The following PRKDC variants were observed in gnomAD, a reference collection of about 807,000 sequenced individuals.
PRKDC encodes the protein DNA-dependent protein kinase catalytic subunit.
PRKDC carries 82 observed loss-of-function variants against 486.9 expected under a neutral mutation model. The ratio of observed to expected loss-of-function variants is 0.17; its 90% CI spans 0.14 to 0.20. The LOEUF (loss-of-function observed/expected upper bound fraction) is 0.20. PRKDC is among the 10% of genes least tolerant of loss of function. The pLI is 1.00. For synonymous variants in PRKDC, 1,895 were observed against 1,837.0 expected (o/e 1.03, Z -0.81); for missense variants, 4,504 against 5,038.2 (o/e 0.89, Z 3.21).
chr8:47,821,978 G>T (rs938569301), intron 64 of PRKDC, among the ~76,000 whole-genome samples, 186 bp from the exon 65 acceptor site: 1 of 152,262 alleles, frequency 6.6e-6, no homozygotes, highest in East Asian at 1.9e-4. Flanking sequence ...GAATCCTACA[G>T]TACTAAATGA....
At chr8:47,946,849 C>T (rs2090540511) in intron 7 of PRKDC, among the ~76,000 whole-genome samples, 3 of 152,176 alleles carry the variant, frequency 2.0e-5, no homozygotes, top group Admixed American at 2.0e-4. Flanking sequence ...TTAGGAGTCA[C>T]TGCACAGCCC....
At chr8:47,896,673 C>T (rs1452394764) in intron 30 of PRKDC, among the ~76,000 whole-genome samples, 2 of 151,956 alleles carry the variant, frequency 1.3e-5, no homozygotes, top group Non-Finnish European at 2.9e-5. Context: ...AAACTCCACC[C>T]CAACTTTTGC....
intron 76 of PRKDC, among the ~76,000 whole-genome samples, chr8:47,786,126 T>C (rs1563733366): frequency 6.7e-6 from 1 of 149,684 alleles, no homozygotes; most frequent in African/African-American, 2.5e-5. Context: ...ATAAATGACA[T>C]GGTTGACCAG....
chr8:47,796,578 G>A (rs1368812020), intron 73 of PRKDC, among the ~76,000 whole-genome samples: 3 of 150,870 alleles, frequency 2.0e-5, no homozygotes, highest in Non-Finnish European at 2.9e-5. Context: ...TGTTGCAAAC[G>A]TTTTTCTTCA....
At chr8:47,780,192 G>A (rs1051943161) in intron 80 of PRKDC, among the ~76,000 whole-genome samples, 2 of 152,190 alleles carry the variant, frequency 1.3e-5, no homozygotes, top group Admixed American at 6.5e-5. Flanking sequence ...TGGGATTACA[G>A]GCGTGAGCTA....
At chr8:47,943,706 T>C in intron 9 of PRKDC, 147 bp downstream of exon 9, 1 of 760,610 alleles carries the variant, frequency 1.3e-6, no homozygotes, top group South Asian at 2.0e-5. Flanking sequence ...GCTTACTAAG[T>C]CACCGAAAGC....
intron 50 of PRKDC, among the ~76,000 whole-genome samples, chr8:47,854,586 C>T (rs568348670): frequency 1.3e-5 from 2 of 152,248 alleles, no homozygotes; most frequent in South Asian, 2.1e-4. Flanking sequence ...GTAATCCGCC[C>T]GCCTCGGCCT....
intron 11 of PRKDC, among the ~76,000 whole-genome samples, chr8:47,939,326 G>C (rs939352551): frequency 2.0e-5 from 3 of 152,112 alleles, no homozygotes; most frequent in Admixed American, 6.5e-5. Context: ...ATATACAAAA[G>C]GTCAGCCCTC....
chr8:47,845,247 A>G (rs1301881556), intron 54 of PRKDC, among the ~76,000 whole-genome samples: 1 of 152,076 alleles, frequency 6.6e-6, no homozygotes, highest in African/African-American at 2.4e-5. Context: ...AAAACAAACC[A>G]ACCCTAAAGA....
At chr8:47,954,258 G>T in intron 5 of PRKDC, 80 bp downstream of exon 5, 1 of 622,144 alleles carries the variant, frequency 1.6e-6, no homozygotes, top group Non-Finnish European at 2.4e-6. Flanking sequence ...CCTTGGTAGA[G>T]AAAACCTAAG....
intron 73 of PRKDC, among the ~76,000 whole-genome samples, chr8:47,795,922 TCTCA>T (rs1421073064): frequency 1.3e-5 from 2 of 149,980 alleles, no homozygotes; most frequent in African/African-American, 4.9e-5. Flanking sequence ...GAGACAAGAG[TCTCA>T]CTGTGTCGCC....
intron 48 of PRKDC, among the ~76,000 whole-genome samples, chr8:47,858,196 CTT>C (rs1041282200): frequency 1.3e-5 from 2 of 148,360 alleles, no homozygotes; most frequent in African/African-American, 4.9e-5. Context: ...CCACCCCCCG[CTT>C]TTTTTTTTCC....
At chr8:47,828,860 T>C (rs1441677064) in intron 61 of PRKDC, among the ~76,000 whole-genome samples, 2 of 152,228 alleles carry the variant, frequency 1.3e-5, no homozygotes, top group Admixed American at 6.5e-5. Context: ...TCCCACCACC[T>C]GACCACTTTA....
In PRKDC at chr8:47,854,121, C is replaced by A. The variant is rs775838263; in HGVS notation, c.6855G>T (p.Leu2285=). 12 of 1,613,978 alleles carry A rather than the reference C, an allele frequency of 7.4e-6. No individual in the cohort carries two copies. The Admixed American group carries it at 1.7e-4, about 22-fold the overall frequency. ...QLLGIVMAND[L]PPYDPQCGIQ... Reference sequence around the variant, plus strand: ...TGCCACACTGTGGGTCATAGGGAGGCAGGTCATTGGCCATCACGATGCCTA... The same window carrying A: ...TGCCACACTGTGGGTCATAGGGAGGAAGGTCATTGGCCATCACGATGCCTA... The change falls in exon 51 of 86, where the codon CTG becomes CTT. Residue 2285 remains leucine, a synonymous_variant. Coordinates refer to ENST00000314191, the MANE Select transcript of PRKDC (RefSeq NM_006904.7).
rs1301149565 is a variant in PRKDC at position 47,823,919 on chromosome 8, T to A, written c.8861A>T (p.Gln2954Leu). Reference sequence around the variant, plus strand: ...TCTGGCTTCTGCTAATAATGCACTCTGAGTGATTTGCTTTGTTCCTATCTC... The same window carrying A: ...TCTGGCTTCTGCTAATAATGCACTCAGAGTGATTTGCTTTGTTCCTATCTC... The part of the protein sequence containing the change: ...TSEIGTKQIT[Q>L]SALLAEARSD... Residue 2954 changes from glutamine (Q) to leucine (L), a missense_variant, in exon 64 of 86, where the codon CAG (glutamine) becomes CTG (leucine). By Grantham distance (113) the Gln-to-Leu change is moderately radical. Transcript: ENST00000314191. 1 of 1,613,852 alleles carries A rather than the reference T, an allele frequency of 6.2e-7. No individual in the cohort carries two copies. The highest frequency in any genetic ancestry group is 8.5e-7 in the Non-Finnish European group (1 of 1,179,860).
chr8:47,899,565 C>T (rs2089642565), intron 28 of PRKDC, among the ~76,000 whole-genome samples: 1 of 152,190 alleles, frequency 6.6e-6, no homozygotes, highest in Non-Finnish European at 1.5e-5. Context: ...ATCGCTTGAA[C>T]CCAGGAGGCG....
intron 50 of PRKDC, among the ~76,000 whole-genome samples, chr8:47,854,681 C>T (rs2088493079): frequency 6.6e-6 from 1 of 152,130 alleles, no homozygotes; most frequent in South Asian, 2.1e-4. Context: ...GTAAGAAATG[C>T]TTTTTCTTTA....
chr8:47,907,101 C>T (rs1324558393), intron 25 of PRKDC, among the ~76,000 whole-genome samples: 5 of 150,824 alleles, frequency 3.3e-5, no homozygotes, highest in East Asian at 3.9e-4. Context: ...TGCAGTGGCG[C>T]GCAGTCTCTG....
Position 47,936,445 on chromosome 8 carries a change from A to G in PRKDC, c.1186T>C (p.Phe396Leu), listed in dbSNP as rs770050338. The G allele has an allele frequency of 1.2e-6, 2 of 1,614,040 alleles. No homozygotes were observed. The highest frequency in any genetic ancestry group is 4.5e-5 in the East Asian group (2 of 44,890). ...TCACCAGTGTCTGTCTGGGTGAGGA[A>G]CATCTGCTTGCAGCGCTGAATGAGC... Reference protein sequence around the residue: ...VELIQRCKQMFLTQTDTGDDR... With the variant: ...VELIQRCKQMLLTQTDTGDDR... The change falls in exon 12 of 86, where the codon TTC (phenylalanine) becomes CTC (leucine). Residue 396 changes from phenylalanine to leucine, a missense_variant. Phe to Leu is a conservative substitution (Grantham distance 22). This residue lies in a region of PRKDC where 1,969 missense variants were observed against 2,068.9 expected (regional missense o/e 0.95). Transcript: ENST00000314191.
Sources: gnomAD v4.1 joint callset for allele counts (sites outside exome capture counted in the v4.1 genomes callset) on GRCh38, gnomAD v4.1.1 for gene constraint, gnomAD v4.1.1 regional missense constraint, MANE v1.5 for transcripts, NCBI Gene and HGNC (gene_info 2026-07-23, HGNC 2026-07-21) for gene names.